KIFAP3: variants seen among roughly 807,000 people sequenced by gnomAD.
KIFAP3 encodes kinesin associated protein 3.
Under a neutral mutation model 106.5 loss-of-function variants are expected in KIFAP3, and 68 were observed. That is an observed-to-expected ratio of 0.64 (90% CI 0.53 to 0.78). The LOEUF is 0.78. KIFAP3 is among the 30% of genes least tolerant of loss of function. The probability of loss-of-function intolerance (pLI) is 0.00; values close to 1 mark genes in which losing one functional copy is unlikely to be tolerated. For synonymous variants in KIFAP3, 320 were observed against 311.5 expected (o/e 1.03, Z -0.29); for missense variants, 780 against 941.8 (o/e 0.83, Z 2.25).
At chr1:170,022,032 T>G (rs1316615264) in intron 9 of KIFAP3, among the ~76,000 whole-genome samples, 1 of 140,320 alleles carries the variant, frequency 7.1e-6, no homozygotes, top group Non-Finnish European at 1.5e-5. Flanking sequence ...TCACTGCAAC[T>G]TCCACCTCCT....
chr1:169,943,598 T>C (rs1664257476), intron 19 of KIFAP3, among the ~76,000 whole-genome samples: 1 of 152,176 alleles, frequency 6.6e-6, no homozygotes, highest in Non-Finnish European at 1.5e-5. Context: ...GAGCAAGCCT[T>C]TATGACGGTA....
rs867902167 is a variant in KIFAP3 at position 169,937,072 on chromosome 1, T to A, written c.2274-15291A>T. On this transcript the variant is annotated intron_variant, in intron 19 of 19. Transcript: ENST00000361580. ...CAATGTAGTATTACTTTTATAAGCCTGATAATACTATTACCCTTAAATATT... is the reference window on the plus strand; with the variant it reads ...CAATGTAGTATTACTTTTATAAGCCAGATAATACTATTACCCTTAAATATT... Among the ~76,000 whole-genome samples the A allele has an allele frequency of 5.8e-4, 88 of 151,170 alleles. 1 individual carries two copies. The highest frequency in any genetic ancestry group is 3.5e-3 in the South Asian group (17 of 4,820).
chr1:170,056,797 C>T (rs181024635), intron 1 of KIFAP3, among the ~76,000 whole-genome samples: 12 of 152,010 alleles, frequency 7.9e-5, no homozygotes, highest in Admixed American at 3.3e-4. Context: ...AAATTAAGTA[C>T]ACTAAAGCAT....
intron 1 of KIFAP3, among the ~76,000 whole-genome samples, chr1:170,062,335 T>C (rs1176424586): frequency 6.6e-6 from 1 of 151,884 alleles, no homozygotes; most frequent in Non-Finnish European, 1.5e-5. Flanking sequence ...ATTCATCCTA[T>C]TAACACTGCT....
At chr1:170,048,141 G>C (rs1670358295) in intron 2 of KIFAP3, among the ~76,000 whole-genome samples, 1 of 152,122 alleles carries the variant, frequency 6.6e-6, no homozygotes, top group African/African-American at 2.4e-5. Context: ...ATTATTCCCA[G>C]CTATATATTC....
At chr1:169,943,809 T>G (rs947610948) in intron 19 of KIFAP3, among the ~76,000 whole-genome samples, 1 of 152,174 alleles carries the variant, frequency 6.6e-6, no homozygotes, top group African/African-American at 2.4e-5. Context: ...AGATAATCAC[T>G]CTTAAATGGT....
intron 11 of KIFAP3, 67 bp from the exon 12 acceptor site, chr1:169,984,757 A>G: frequency 1.3e-6 from 1 of 763,174 alleles, no homozygotes; most frequent in Non-Finnish European, 2.3e-6. Flanking sequence ...CAGAAGCAAT[A>G]TTTTTATCAT....
Position 169,921,719 on chromosome 1 carries a change from C to A in KIFAP3, c.2336G>T (p.Gly779Val). Residue 779 changes from glycine (G) to valine (V), a missense_variant, in exon 20 of 20, where the codon GGA becomes GTA. Around this residue, in one of 3 missense-constraint regions of KIFAP3, gnomAD observed 114 missense variants for 122.3 expected, o/e 0.93. Coordinates refer to ENST00000361580, the MANE Select transcript of KIFAP3 (RefSeq NM_014970.4). ...GILGRPATAY[G>V]FRPDEPYYYG... ...GTAGTAAGGTTCATCAGGGCGGAATCCATATGCTGTGGCAGGGCGTCCAAG... is the reference window on the plus strand; with the variant it reads ...GTAGTAAGGTTCATCAGGGCGGAATACATATGCTGTGGCAGGGCGTCCAAG... The A allele has an allele frequency of 6.2e-7, 1 of 1,613,878 alleles. No individual in the cohort carries two copies. Among genetic ancestry groups the A allele is most frequent in the Non-Finnish European group, 8.5e-7 (1 of 1,179,860 alleles).
chr1:169,967,272 T>A lies in KIFAP3; in HGVS notation c.1983+5241A>T, dbSNP rs187977765. Among the ~76,000 whole-genome samples the A allele has an allele frequency of 5.2e-3, 794 of 151,970 alleles. 2 individuals carry two copies. The highest frequency in any genetic ancestry group is 8.8e-3 in the Non-Finnish European group (595 of 67,786). ...CAGTACTTTCCCAAAATAAAACATG[T>A]TAACAACATTATATCCCCCTCCTGG... On this transcript the variant is annotated intron_variant, in intron 17 of 19. Coordinates refer to ENST00000361580, the MANE Select transcript of KIFAP3 (RefSeq NM_014970.4).
chr1:169,992,125 T>A, intron 11 of KIFAP3, 30 bp downstream of exon 11: 1 of 1,080,034 alleles, frequency 9.3e-7, no homozygotes, highest in Non-Finnish European at 1.3e-6. Context: ...ATTTGTTAAA[T>A]GTTTTTCATA....
rs1167736659 is a variant in KIFAP3 at position 170,016,147 on chromosome 1, T to G, written c.1183+315A>C. 2.0e-5 allele frequency among the ~76,000 whole-genome samples: 3 copies of G among 152,216 alleles called. No individual in the cohort carries two copies. The East Asian group carries it at 5.8e-4, about 29-fold the overall frequency. On this transcript the variant is annotated intron_variant, in intron 10 of 19. Transcript: ENST00000361580. ...TAAACGATACCTGCGTTGTTTTTTT[T>G]AAGAAAAATCCTGAAGATAAAATAT...
At chr1:169,938,400 G>A (rs1198392573) in intron 19 of KIFAP3, among the ~76,000 whole-genome samples, 2 of 151,878 alleles carry the variant, frequency 1.3e-5, no homozygotes, top group Non-Finnish European at 2.9e-5. Context: ...CTATAAGCAG[G>A]ATATATAATA....
chr1:169,930,910 A>G (rs1359169600), intron 19 of KIFAP3, among the ~76,000 whole-genome samples: 2 of 110,058 alleles, frequency 1.8e-5, no homozygotes, highest in Non-Finnish European at 3.5e-5. Flanking sequence ...TTTTATTATT[A>G]CTTCTTTTTT....
chr1:170,007,991 C>G (rs146140305), intron 10 of KIFAP3, among the ~76,000 whole-genome samples: 1,761 of 152,242 alleles, frequency 0.012, 11 homozygotes, highest in South Asian at 0.022. Flanking sequence ...TGATCTTTGA[C>G]AAACCTGACA....
chr1:169,963,564 C>T (rs1339045384), intron 17 of KIFAP3, among the ~76,000 whole-genome samples: 1 of 152,142 alleles, frequency 6.6e-6, no homozygotes, highest in Non-Finnish European at 1.5e-5. Context: ...ACGATCTCAG[C>T]TCACTGAAAC....
intron 10 of KIFAP3, 40 bp downstream of exon 10, chr1:170,016,422 A>T (rs767999702): frequency 6.5e-7 from 1 of 1,541,528 alleles, no homozygotes; most frequent in East Asian, 2.4e-5. Flanking sequence ...CGATGTTGGA[A>T]ATTCCAGACA....
intron 19 of KIFAP3, among the ~76,000 whole-genome samples, chr1:169,942,910 G>GCCCCCCC (rs11396543): frequency 8.5e-5 from 9 of 105,804 alleles, no homozygotes; most frequent in African/African-American, 1.1e-4. Context: ...TTTTAAAGAC[G>GCCCCCCC]CCCCCCCCCA....
chr1:169,966,247 G>A (rs562011972), intron 17 of KIFAP3, among the ~76,000 whole-genome samples: 1 of 151,836 alleles, frequency 6.6e-6, no homozygotes, highest in East Asian at 1.9e-4. Flanking sequence ...AAGCAAAACA[G>A]CTCTTCTCTC....
intron 3 of KIFAP3, among the ~76,000 whole-genome samples, chr1:170,044,129 T>C (rs144290956): frequency 3.3e-5 from 5 of 152,170 alleles, no homozygotes; most frequent in African/African-American, 9.6e-5. Context: ...GAACATAAAA[T>C]GTAAGGGTGG....
Sources: gnomAD v4.1 joint callset for allele counts (sites outside exome capture counted in the v4.1 genomes callset) on GRCh38, gnomAD v4.1.1 for gene constraint, gnomAD v4.1.1 regional missense constraint, MANE v1.5 for transcripts, NCBI Gene and HGNC (gene_info 2026-07-23, HGNC 2026-07-21) for gene names.